Variants in C12orf42 observed in about 807,000 individuals in gnomAD.
The protein encoded by C12orf42 is uncharacterized protein C12orf42.
C12orf42 carries 25 observed loss-of-function variants against 21.6 expected under a neutral mutation model. The ratio of observed to expected loss-of-function variants is 1.16; its 90% CI spans 0.84 to 1.62. The LOEUF (loss-of-function observed/expected upper bound fraction) is 1.62. C12orf42 is among the 40% of genes most tolerant of loss of function. The pLI is 0.00. For synonymous variants in C12orf42, 174 were observed against 175.0 expected (o/e 0.99, Z 0.05); for missense variants, 483 against 459.3 (o/e 1.05, Z -0.47).
intron 4 of C12orf42, among the ~76,000 whole-genome samples, chr12:103,309,690 A>G (rs1408052831): frequency 1.3e-5 from 2 of 152,232 alleles, no homozygotes; most frequent in African/African-American, 4.8e-5. Flanking sequence ...TAGGTGTGAA[A>G]TGAGAGCAGG....
chr12:103,272,079 C>T (rs941577223), intron 5 of C12orf42, among the ~76,000 whole-genome samples: 2 of 152,094 alleles, frequency 1.3e-5, no homozygotes, highest in African/African-American at 4.8e-5. Flanking sequence ...ATACAGGATG[C>T]TGTGCCTATA....
chr12:103,233,226 AT>A (rs1343494229), downstream of C12orf42, among the ~76,000 whole-genome samples: 1 of 152,090 alleles, frequency 6.6e-6, no homozygotes, highest in African/African-American at 2.4e-5. Context: ...TGATTTGTAG[AT>A]TTGTAGTAAG....
chr12:103,474,068 T>A (rs909543214), intron 2 of C12orf42, among the ~76,000 whole-genome samples: 26 of 152,220 alleles, frequency 1.7e-4, no homozygotes, highest in African/African-American at 6.0e-4. Flanking sequence ...CACCACCCCA[T>A]CCCATGGTGG....
intron 5 of C12orf42, among the ~76,000 whole-genome samples, chr12:103,272,605 G>GA (rs1275043592): frequency 6.6e-6 from 1 of 152,170 alleles, no homozygotes; most frequent in African/African-American, 2.4e-5. Context: ...TCTGACACCT[G>GA]ATACAGAGAT....
chr12:103,286,720 GATAAA>G (rs1387220754), intron 4 of C12orf42, among the ~76,000 whole-genome samples: 1 of 152,018 alleles, frequency 6.6e-6, no homozygotes, highest in African/African-American at 2.4e-5. Context: ...TTGACATAAA[GATAAA>G]ATGAAATGGA....
the C12orf42 span, among the ~76,000 whole-genome samples, chr12:103,147,959 A>C: frequency 1.5e-3 from 228 of 152,296 alleles, no homozygotes; most frequent in Non-Finnish European, 1.7e-3. Flanking sequence ...CATGGAAAAC[A>C]ATAAGAGAAA....
At chr12:103,103,062 T>C in the C12orf42 span, among the ~76,000 whole-genome samples, 3 of 152,182 alleles carry the variant, frequency 2.0e-5, no homozygotes, top group Admixed American at 2.0e-4. Context: ...TCCTCCACCC[T>C]AGTATGCTAA....
chr12:103,258,441 A>G (rs2034722266), intron 10 of C12orf42, among the ~76,000 whole-genome samples: 1 of 152,134 alleles, frequency 6.6e-6, no homozygotes, highest in Admixed American at 6.5e-5. Flanking sequence ...CCATCACCAC[A>G]TCACCATTAT....
chr12:103,110,712 A>G, the C12orf42 span, among the ~76,000 whole-genome samples: 1 of 152,240 alleles, frequency 6.6e-6, no homozygotes, highest in Non-Finnish European at 1.5e-5. Context: ...CAAATAAACA[A>G]CTATCCCCAG....
the C12orf42 span, among the ~76,000 whole-genome samples, chr12:103,175,545 C>T: frequency 2.0e-5 from 3 of 152,032 alleles, no homozygotes; most frequent in African/African-American, 4.8e-5. Flanking sequence ...TATGTGGCCT[C>T]GACTGCCAAA....
the C12orf42 span, among the ~76,000 whole-genome samples, chr12:103,192,736 G>A: frequency 8.5e-5 from 13 of 152,144 alleles, no homozygotes; most frequent in Non-Finnish European, 1.5e-4. Context: ...GAGCACCTAA[G>A]TACGGAAAGC....
intron 1 of C12orf42, among the ~76,000 whole-genome samples, chr12:103,494,986 G>T (rs965345394): frequency 6.6e-6 from 1 of 152,128 alleles, no homozygotes; most frequent in African/African-American, 2.4e-5. Context: ...GTGCGGGGTT[G>T]GGGGGATGTG....
At chr12:103,494,557 A>T (rs1000210005) in intron 1 of C12orf42, among the ~76,000 whole-genome samples, 1 of 142,764 alleles carries the variant, frequency 7.0e-6, no homozygotes, top group Non-Finnish European at 1.6e-5. Context: ...TGTGGCAGAT[A>T]AAAAAAAAAC....
At chr12:103,399,381 T>C (rs931221569) in intron 3 of C12orf42, among the ~76,000 whole-genome samples, 15 of 151,972 alleles carry the variant, frequency 9.9e-5, no homozygotes, top group African/African-American at 3.1e-4. Context: ...ATTTGTTTGT[T>C]TGTTTGAAAC....
rs571477279 is a variant in C12orf42, at chr12:103,416,966, C to T, written c.79-15291G>A. On this transcript the variant is annotated intron_variant, in intron 2 of 5. Transcript: ENST00000548883. ...TTATTAAGAGAAAGGGCCTATCCTT[C>T]CCTTATTTTCAAACATGGACTTTGA... 8.4e-4 allele frequency among the ~76,000 whole-genome samples: 128 copies of T among 152,260 alleles called. 1 individual carries two copies. Among genetic ancestry groups the T allele is most frequent in the African/African-American group, 2.9e-3 (122 of 41,556 alleles).
At chr12:103,206,460 G>A in the C12orf42 span, among the ~76,000 whole-genome samples, 1 of 152,030 alleles carries the variant, frequency 6.6e-6, no homozygotes, top group African/African-American at 2.4e-5. Flanking sequence ...TATATTTTGA[G>A]TGGTAGTTGC....
chr12:103,389,274 C>T (rs552724426), intron 3 of C12orf42, among the ~76,000 whole-genome samples: 2 of 152,272 alleles, frequency 1.3e-5, no homozygotes, highest in South Asian at 4.1e-4. Flanking sequence ...TACAGATTCC[C>T]ATTTCTTTCT....
At chr12:103,415,445 A>T (rs2049229119) in intron 2 of C12orf42, among the ~76,000 whole-genome samples, 1 of 152,190 alleles carries the variant, frequency 6.6e-6, no homozygotes, top group African/African-American at 2.4e-5. Context: ...AGACATTTAG[A>T]GAACACTCCA....
chr12:103,084,321 TA>T, the C12orf42 span, among the ~76,000 whole-genome samples: 1 of 152,206 alleles, frequency 6.6e-6, no homozygotes, highest in African/African-American at 2.4e-5. Context: ...ATTGCTGCTT[TA>T]AAACAATGTC....
Sources: gnomAD v4.1 joint callset for allele counts (sites outside exome capture counted in the v4.1 genomes callset) on GRCh38, gnomAD v4.1.1 for gene constraint, MANE v1.5 for transcripts, NCBI Gene and HGNC (gene_info 2026-07-23, HGNC 2026-07-21) for gene names.